NAE1: variants seen among roughly 807,000 people sequenced by gnomAD.
The protein encoded by NAE1 is NEDD8-activating enzyme E1 regulatory subunit.
NAE1 carries 59 observed loss-of-function variants against 88.0 expected under a neutral mutation model. The observed-to-expected ratio is 0.67, with a 90% CI of 0.54 to 0.83. The LOEUF (loss-of-function observed/expected upper bound fraction) is 0.83, where lower values mean the gene tolerates loss of function less well. NAE1 is among the 40% of genes least tolerant of loss of function. NAE1 has a pLI of 0.00. For missense variants in NAE1, 554 were observed against 632.8 expected, an observed-to-expected ratio of 0.88 and a Z score of 1.34; for synonymous variants, 186 against 208.9, an observed-to-expected ratio of 0.89 and a Z score of 0.95.
intron 1 of NAE1, among the ~76,000 whole-genome samples, chr16:66,827,089 C>T (rs1424693518): frequency 3.9e-5 from 6 of 152,014 alleles, no homozygotes; most frequent in Non-Finnish European, 7.4e-5. Flanking sequence ...ATTTAAAAAG[C>T]GTCTTTGGAT....
intron 1 of NAE1, among the ~76,000 whole-genome samples, chr16:66,829,268 C>G (rs963513894): frequency 4.6e-5 from 7 of 152,214 alleles, no homozygotes; most frequent in Admixed American, 4.6e-4. Flanking sequence ...TCAGCTCTGT[C>G]ATGTACAGTT....
chr16:66,816,226 T>C (rs1960039666), intron 11 of NAE1, among the ~76,000 whole-genome samples: 1 of 152,030 alleles, frequency 6.6e-6, no homozygotes. Context: ...AGTGCAGTGG[T>C]GTAATCTTGG....
intron 11 of NAE1, among the ~76,000 whole-genome samples, chr16:66,814,614 C>T (rs1048481926): frequency 8.8e-5 from 13 of 148,320 alleles, no homozygotes; most frequent in Middle Eastern, 3.4e-3. Flanking sequence ...AAAAAATACA[C>T]ACACACACAC....
Position 66,808,604 on chromosome 16 carries a change from A to G in NAE1, c.1247T>C (p.Met416Thr). 1.2e-6 allele frequency: 2 copies of G among 1,601,946 alleles called. No homozygotes were observed. The highest frequency in any genetic ancestry group is 1.7e-6 in the Non-Finnish European group (2 of 1,174,434). The part of the protein sequence containing the change: ...TINKDEIISS[M>T]DNPDNEIVLY... ...CACTATTTCATTATCTGGATTGTCC[A>G]TGCTAGAAACTGAAAGGAAAAAAAA... is the stretch of plus-strand genomic sequence containing the variant. The change falls in exon 17 of 20, where the codon ATG becomes ACG. Residue 416 changes from methionine (M) to threonine (T), a missense_variant. Transcript: ENST00000290810.
At chr16:66,807,786 C>T (rs1488282660) in intron 17 of NAE1, among the ~76,000 whole-genome samples, 1 of 152,184 alleles carries the variant, frequency 6.6e-6, no homozygotes, top group Non-Finnish European at 1.5e-5. Flanking sequence ...TCTGAGCAAC[C>T]TCAGATCTTT....
chr16:66,805,231 A>G (rs1388977493), intron 19 of NAE1, among the ~76,000 whole-genome samples: 2 of 152,152 alleles, frequency 1.3e-5, no homozygotes, highest in Non-Finnish European at 2.9e-5. Flanking sequence ...ACCAAAACAC[A>G]GGGTTTTTTA....
intron 7 of NAE1, among the ~76,000 whole-genome samples, chr16:66,820,228 T>G (rs1181346446): frequency 6.6e-6 from 1 of 152,208 alleles, no homozygotes; most frequent in Non-Finnish European, 1.5e-5. Flanking sequence ...TAAAAATGTT[T>G]TCTTGAGTCA....
chr16:66,803,301 G>A (rs534844968), intron 19 of NAE1, among the ~76,000 whole-genome samples, 183 bp from the exon 20 acceptor site: 1 of 152,234 alleles, frequency 6.6e-6, no homozygotes, highest in Admixed American at 6.5e-5. Context: ...TGTTATTAAA[G>A]GAAATCTAAA....
chr16:66,829,416 C>A (rs183321933), intron 1 of NAE1, among the ~76,000 whole-genome samples: 1 of 152,256 alleles, frequency 6.6e-6, no homozygotes, highest in Non-Finnish European at 1.5e-5. Context: ...GCCAGAAGAG[C>A]CTTAGTTTAC....
At chr16:66,822,171 TA>T (rs1271543526) in intron 6 of NAE1, among the ~76,000 whole-genome samples, 2 of 152,142 alleles carry the variant, frequency 1.3e-5, no homozygotes, top group African/African-American at 4.8e-5. Flanking sequence ...CAGCCTTCAA[TA>T]ATCAATTCTA....
intron 17 of NAE1, among the ~76,000 whole-genome samples, chr16:66,806,690 G>A (rs909122540): frequency 2.6e-5 from 4 of 152,142 alleles, no homozygotes; most frequent in East Asian, 1.9e-4. Context: ...TGGGATTACA[G>A]GTGTGAGCCA....
In NAE1 at chr16:66,803,203, T is replaced by A. The variant is rs1046891475; in HGVS notation, c.1496-85A>T. ...TCAATTCTGTAAAGAAACTTTTCCT[T>A]TTCAAAAGCAAAGGTGTTTTAAAGT... On this transcript the variant is annotated intron_variant, in intron 19 of 19. Coordinates refer to ENST00000290810, the MANE Select transcript of NAE1 (RefSeq NM_003905.4). 1.6e-5 allele frequency: 15 copies of A among 947,882 alleles called. No homozygotes were observed. The African/African-American group carries it at 2.0e-4, about 13-fold the overall frequency. The allele number at this position is 947,882 out of a possible 1,614,324, so 58.7% of individuals were successfully genotyped here.
chr16:66,822,662 A>AT (rs1336140198), intron 6 of NAE1, among the ~76,000 whole-genome samples: 5 of 147,428 alleles, frequency 3.4e-5, no homozygotes, highest in South Asian at 2.2e-4. Context: ...TTATTTATTT[A>AT]TTTATTTATT....
intron 15 of NAE1, 97 bp from the exon 16 acceptor site, chr16:66,809,172 T>C (rs1959690355): frequency 1.3e-6 from 1 of 765,762 alleles, no homozygotes; most frequent in Admixed American, 2.7e-5. Context: ...GTGTATACCC[T>C]TCTCAGACAT....
rs942253451 is a variant in NAE1, at chr16:66,808,434, A to T, written c.1330+87T>A. 8.8e-6 allele frequency: 8 copies of T among 910,852 alleles called. No individual in the cohort carries two copies. In the South Asian group the frequency reaches 1.3e-4, roughly 15 times the overall value. 56.4% of individuals were successfully genotyped at this position (910,852 alleles called of 1,614,324 possible). ...GTTTACAATGTGAAATTCAAGCAAC[A>T]CTATTATAAATACCCTGAGAACACT... On this transcript the variant is annotated intron_variant, in intron 17 of 19. Transcript: ENST00000290810.
Position 66,810,596 on chromosome 16 carries a change from AAAG to A in NAE1, c.1110+98_1110+100del, listed in dbSNP as rs1002714968. On this transcript the variant is annotated intron_variant, in intron 14 of 19. Transcript: ENST00000290810. Reference sequence around the variant, plus strand: ...AGGCAGGGAAATGACAGCTCCCTCTAAAGAAGCACAGAGGCAGTGCCACACCCT... The same window carrying A: ...AGGCAGGGAAATGACAGCTCCCTCTAAAGCACAGAGGCAGTGCCACACCCT... 4.2e-6 allele frequency: 5 copies of A among 1,182,118 alleles called. No individual in the cohort carries two copies. The African/African-American group carries it at 7.7e-5, about 18-fold the overall frequency. 73.2% of individuals were successfully genotyped at this position (1,182,118 alleles called of 1,614,324 possible).
At position 66,811,168 on chromosome 16, in the gene NAE1, T is replaced by G. The variant is rs376689850; in HGVS notation, c.1035-396A>C. Among the ~76,000 whole-genome samples, 6 of 152,332 alleles carry G rather than the reference T, an allele frequency of 3.9e-5. No individual in the cohort carries two copies. The East Asian group carries it at 1.2e-3, about 29-fold the overall frequency. On this transcript the variant is annotated intron_variant, in intron 13 of 19. Transcript: ENST00000290810. ...GTTCATCTCCAATGTAAAACTTCTT[T>G]GTTTTTTGAGACAGGATCTCGCTCT... is the stretch of plus-strand genomic sequence containing the variant.
chr16:66,820,503 A>C (rs904269647), intron 7 of NAE1, among the ~76,000 whole-genome samples: 2 of 152,208 alleles, frequency 1.3e-5, no homozygotes, highest in Non-Finnish European at 2.9e-5. Flanking sequence ...CACACCTGTA[A>C]TCCCAGCACC....
At chr16:66,807,435 T>C (rs113592671) in intron 17 of NAE1, among the ~76,000 whole-genome samples, 2,399 of 151,798 alleles carry the variant, frequency 0.016, 57 homozygotes, top group South Asian at 0.096. Flanking sequence ...AGGTCAGGAG[T>C]TCGAGACCAG....
Sources: allele counts gnomAD v4.1 joint callset (sites outside exome capture counted in the v4.1 genomes callset), GRCh38; gene constraint gnomAD v4.1.1; transcripts MANE v1.5; gene names NCBI Gene and HGNC (gene_info 2026-07-23, HGNC 2026-07-21).